Variants in MTMR3 observed in about 807,000 individuals in gnomAD.
MTMR3 encodes the protein phosphatidylinositol-3,5-bisphosphate 3-phosphatase MTMR3.
In MTMR3, 32 loss-of-function variants were observed where a neutral mutation model predicts 132.4. The ratio of observed to expected loss-of-function variants is 0.24; its 90% CI spans 0.18 to 0.32. The LOEUF (loss-of-function observed/expected upper bound fraction) is 0.32. Among genes scored for constraint, MTMR3 ranks in the 10% least tolerant of loss-of-function variants. The probability of loss-of-function intolerance (pLI) is 1.00; values close to 1 mark genes in which losing one functional copy is unlikely to be tolerated. For missense variants in MTMR3, 1,216 were observed against 1,489.6 expected, an observed-to-expected ratio of 0.82 and a Z score of 3.02; for synonymous variants, 556 against 550.3, an observed-to-expected ratio of 1.01 and a Z score of -0.14.
At chr22:30,012,139 G>T (rs2145949587) in intron 12 of MTMR3, 1 of 456,184 alleles carries the variant, frequency 2.2e-6, no homozygotes. Flanking sequence ...GGAACAAAAG[G>T]TGTGCTATTA....
At position 30,002,976 on chromosome 22, in the gene MTMR3, C is replaced by G. The variant is rs758472948; in HGVS notation, c.654C>G (p.Ile218Met). Residue 218 changes from isoleucine (I) to methionine (M), a missense_variant, in exon 9 of 20, where the codon ATC becomes ATG. Ile to Met is a conservative substitution (Grantham distance 10). This residue lies in a region of MTMR3 where 129 missense variants were observed against 245.7 expected (regional missense o/e 0.53). Coordinates refer to ENST00000401950, the MANE Select transcript of MTMR3 (RefSeq NM_021090.4). ...CAAGTTTCAGGTCCTGGAAGCGCAT[C>G]CCTGCCGTCATCTACAGGTAAGTTA... ...SVSSFRSWKR[I>M]PAVIYRHQSN... The G allele has an allele frequency of 6.2e-7, 1 of 1,613,888 alleles. No homozygotes were observed. The highest frequency in any genetic ancestry group is 1.3e-5 in the African/African-American group (1 of 74,924).
chr22:29,986,639 A>G, intron 5 of MTMR3: 1 of 952,924 alleles, frequency 1.0e-6, no homozygotes. Flanking sequence ...CTCAGAACAC[A>G]GGCAAGATTT....
At chr22:29,984,923 C>T (rs549436409) in intron 5 of MTMR3, 1 of 152,354 alleles carries the variant, frequency 6.6e-6, no homozygotes, top group East Asian at 1.9e-4. Flanking sequence ...GGAGCCCAGG[C>T]TGGAGGACAG....
intron 1 of MTMR3, among the ~76,000 whole-genome samples, chr22:29,933,818 G>A (rs2065694162): frequency 6.8e-6 from 1 of 146,584 alleles, no homozygotes. Flanking sequence ...CCATCCTTCT[G>A]CCCCAGCCTC....
chr22:29,887,823 A>G (rs1477095698), intron 1 of MTMR3, among the ~76,000 whole-genome samples: 1 of 152,236 alleles, frequency 6.6e-6, no homozygotes, highest in Non-Finnish European at 1.5e-5. Flanking sequence ...TACTTATTTA[A>G]AAAAGCATTT....
At chr22:29,970,456 C>G (rs2066510781) in intron 2 of MTMR3, among the ~76,000 whole-genome samples, 1 of 150,098 alleles carries the variant, frequency 6.7e-6, no homozygotes, top group Non-Finnish European at 1.5e-5. Context: ...ACCTCATCCT[C>G]CTGAGTAACT....
At chr22:29,997,061 C>G (rs1470771177) in intron 7 of MTMR3, 1 of 152,182 alleles carries the variant, frequency 6.6e-6, no homozygotes, top group Admixed American at 6.5e-5. Flanking sequence ...GTCAATATTC[C>G]TTGCAATTTG....
chr22:29,935,249 C>T (rs1468531576), intron 1 of MTMR3, among the ~76,000 whole-genome samples: 1 of 152,144 alleles, frequency 6.6e-6, no homozygotes, highest in Admixed American at 6.5e-5. Context: ...TACTAAATGG[C>T]ATGTACAGTT....
intron 1 of MTMR3, among the ~76,000 whole-genome samples, chr22:29,936,432 G>T (rs556865661): frequency 6.6e-6 from 1 of 152,082 alleles, no homozygotes; most frequent in Admixed American, 6.6e-5. Context: ...GTAATGCAGG[G>T]CAAGTAGACT....
At chr22:29,911,744 ATAT>A (rs752863998) in intron 1 of MTMR3, among the ~76,000 whole-genome samples, 3 of 152,284 alleles carry the variant, frequency 2.0e-5, no homozygotes, top group East Asian at 1.9e-4. Context: ...ATATGAGATA[ATAT>A]TCAGGATCAG....
chr22:29,945,457 C>T (rs2065933662), intron 1 of MTMR3, among the ~76,000 whole-genome samples: 1 of 152,010 alleles, frequency 6.6e-6, no homozygotes, highest in South Asian at 2.1e-4. Context: ...AATCTCAACA[C>T]TTTGAGAGGC....
rs1201678184 is a variant in MTMR3 at position 29,906,573 on chromosome 22, T to C, written c.-138+23214T>C. Among the ~76,000 whole-genome samples the C allele has an allele frequency of 4.0e-5, 6 of 151,726 alleles. No individual in the cohort carries two copies. In the East Asian group the frequency reaches 9.8e-4, roughly 25 times the overall value. ...CTGGTCTCCAACTCCTGACCTCAAG[T>C]GTTCCATCTCCCTCGGCCTCCCGAA... On this transcript the variant is annotated intron_variant, in intron 1 of 19. Coordinates refer to ENST00000401950, the MANE Select transcript of MTMR3 (RefSeq NM_021090.4).
chr22:30,022,521 G>A, intron 18 of MTMR3, 88 bp from the exon 19 acceptor site: 1 of 1,162,540 alleles, frequency 8.6e-7, no homozygotes, highest in East Asian at 2.4e-5. Flanking sequence ...TGTGGTCCTT[G>A]TGACTCTTGC....
chr22:29,924,038 A>G (rs1053170044), intron 1 of MTMR3, among the ~76,000 whole-genome samples: 1 of 152,090 alleles, frequency 6.6e-6, no homozygotes, highest in Non-Finnish European at 1.5e-5. Flanking sequence ...AAAGATTTTC[A>G]TTTGGATAAA....
intron 3 of MTMR3, among the ~76,000 whole-genome samples, chr22:29,977,445 A>G (rs567428438): frequency 1.7e-4 from 26 of 152,344 alleles, no homozygotes; most frequent in Non-Finnish European, 2.9e-4. Flanking sequence ...CATCTAGATG[A>G]GAATTTATTG....
intron 1 of MTMR3, among the ~76,000 whole-genome samples, chr22:29,903,754 GAGGTGCT>G (rs2065044427): frequency 1.3e-5 from 2 of 152,078 alleles, no homozygotes; most frequent in Admixed American, 1.3e-4. Context: ...TTATATAATT[GAGGTGCT>G]AGGTGTACAG....
chr22:30,013,231 G>T, intron 13 of MTMR3, 125 bp from the exon 14 acceptor site: 1 of 911,432 alleles, frequency 1.1e-6, no homozygotes, highest in Non-Finnish European at 1.7e-6. Context: ...TTCCACCAAA[G>T]GGCAAGGCCG....
At chr22:29,979,114 A>C in intron 5 of MTMR3, 62 bp downstream of exon 5, 1 of 1,112,264 alleles carries the variant, frequency 9.0e-7, no homozygotes, top group Non-Finnish European at 1.4e-6. Flanking sequence ...AAAAAACTTA[A>C]TGCTCTCAAA....
In MTMR3 at chr22:29,919,120, C is replaced by T. The variant is rs1413539307; in HGVS notation, c.-138+35761C>T. 6.6e-5 allele frequency among the ~76,000 whole-genome samples: 10 copies of T among 152,190 alleles called. No individual in the cohort carries two copies. In the South Asian group the frequency reaches 8.3e-4, roughly 13 times the overall value. On this transcript the variant is annotated intron_variant, in intron 1 of 19. Transcript: ENST00000401950. ...AAAATTATCACTCATAATGTTTTTT[C>T]GGAAAATATATGACTGCATGGTTTT...
Sources: allele counts gnomAD v4.1 joint callset (sites outside exome capture counted in the v4.1 genomes callset), GRCh38; gene constraint gnomAD v4.1.1; regional missense constraint gnomAD v4.1.1; transcripts MANE v1.5; gene names NCBI Gene and HGNC (gene_info 2026-07-23, HGNC 2026-07-21).